Variants in ADPRHL1 observed in about 807,000 individuals in gnomAD.
ADPRHL1 encodes the protein inactive ADP-ribosyltransferase ARH2.
Under a neutral mutation model 44.1 loss-of-function variants are expected in ADPRHL1, and 43 were observed. The observed-to-expected ratio is 0.98, with a 90% CI of 0.76 to 1.26. ADPRHL1 has a LOEUF of 1.26. Among genes scored for constraint, ADPRHL1 ranks in the 50% most tolerant of loss-of-function variants. ADPRHL1 has a pLI of 0.00. For synonymous variants in ADPRHL1, 878 were observed against 1,017.4 expected (o/e 0.86, Z 2.61); for missense variants, 2,022 against 2,496.9 (o/e 0.81, Z 4.05).
chr13:113,428,773 C>G (rs949459201), intron 4 of ADPRHL1, among the ~76,000 whole-genome samples, 179 bp downstream of exon 4: 5 of 152,278 alleles, frequency 3.3e-5, no homozygotes, highest in Non-Finnish European at 5.9e-5. Flanking sequence ...CAGAGGCAGA[C>G]TGGTCAGGAG....
At position 113,406,088 on chromosome 13, in the gene ADPRHL1, G is replaced by A. The variant is rs890304338; in HGVS notation, c.3194C>T (p.Ala1065Val). 3.8e-5 allele frequency: 47 copies of A among 1,232,138 alleles called. No homozygotes were observed. In the African/African-American group the frequency reaches 5.9e-4, roughly 15 times the overall value. The allele number at this position is 1,232,138 out of a possible 1,614,324, so 76.3% of individuals were successfully genotyped here. Reference protein sequence around the residue: ...VTPMGMTVPGALEECRRPLLI... With the variant: ...VTPMGMTVPGVLEECRRPLLI... The stretch of plus-strand genomic sequence containing the variant: ...CAGCGGCCTTCTGCATTCCTCCAGC[G>A]CACCGGGCACTGTCATGCCCATCGG... The change falls in exon 8 of 8, where the codon GCG becomes GTG. Residue 1065 changes from alanine (A) to valine (V), a missense_variant. Coordinates refer to ENST00000612156, the MANE Select transcript of ADPRHL1 (RefSeq NM_001394807.1).
Position 113,425,080 on chromosome 13 carries a change from T to A in ADPRHL1, c.746A>T (p.Asp249Val). 6.2e-7 allele frequency: 1 copy of A among 1,613,642 alleles called. No homozygotes were observed. Among genetic ancestry groups the A allele is most frequent in the Non-Finnish European group, 8.5e-7 (1 of 1,179,946 alleles). ...KDSENKAIFP[D>V]NYDAEEREKT... is the part of the protein sequence containing the mutation. ...TTCCCTCTCTTCTGCATCATAATTG[T>A]CGGGGAAGATGGCTTTATTTTCTGA... Residue 249 changes from aspartate to valine, a missense_variant, in exon 5 of 8, where the codon GAC becomes GTC. Physicochemically the swap from Asp to Val is radical, Grantham distance 152. This residue lies in a region of ADPRHL1 where 437 missense variants were observed against 430.7 expected (regional missense o/e 1.01). Coordinates refer to ENST00000612156, the MANE Select transcript of ADPRHL1 (RefSeq NM_001394807.1).
chr13:113,445,866 T>C (rs567603321), intron 1 of ADPRHL1, among the ~76,000 whole-genome samples: 2 of 151,546 alleles, frequency 1.3e-5, no homozygotes, highest in South Asian at 4.2e-4. Context: ...AGGGCCCCCA[T>C]GGCTGCAAAC....
intron 7 of ADPRHL1, among the ~76,000 whole-genome samples, chr13:113,419,864 G>A (rs1460154653): frequency 6.6e-6 from 1 of 152,200 alleles, no homozygotes; most frequent in Non-Finnish European, 1.5e-5. Context: ...GTGTGGCATA[G>A]CACACACATG....
At chr13:113,439,443 TA>T (rs747882026) in intron 2 of ADPRHL1, among the ~76,000 whole-genome samples, 8 of 74,914 alleles carry the variant, frequency 1.1e-4, no homozygotes, top group African/African-American at 3.5e-4. Context: ...GTTTTCTTTG[TA>T]TTTTTTTTTT....
rs1456842680 is a variant in ADPRHL1, at chr13:113,405,488, G to A, written c.3794C>T (p.Ala1265Val). The change falls in exon 8 of 8, where the codon GCT becomes GTT. Residue 1265 changes from alanine (A) to valine (V), a missense_variant. Ala to Val is a moderately conservative substitution (Grantham distance 64). This residue lies in a region of ADPRHL1 where 1,221 missense variants were observed against 1,517.8 expected (regional missense o/e 0.80). Transcript: ENST00000612156. ...LGFSTESGIP[A>V]SDHPRPQARS... Reference sequence around the variant, plus strand: ...TGCCTGTGGCCTAGGATGATCAGAAGCAGGAATTCCAGACTCTGTGCTGAA... The same window carrying A: ...TGCCTGTGGCCTAGGATGATCAGAAACAGGAATTCCAGACTCTGTGCTGAA... 1.6e-6 allele frequency: 2 copies of A among 1,231,830 alleles called. No individual in the cohort carries two copies. The highest frequency in any genetic ancestry group is 1.6e-5 in the African/African-American group (1 of 64,444). The allele number at this position is 1,231,830 out of a possible 1,614,324, so 76.3% of individuals were successfully genotyped here. A position where few individuals can be genotyped will look rare whatever the true frequency, so the allele number is the denominator to read the frequency against.
chr13:113,442,017 T>G (rs1186755247), intron 2 of ADPRHL1, among the ~76,000 whole-genome samples: 1 of 152,276 alleles, frequency 6.6e-6, no homozygotes, highest in African/African-American at 2.4e-5. Context: ...TCTGTTTGCA[T>G]CCAGTGCGGT....
rs1230011274 is a variant in ADPRHL1 at position 113,409,439 on chromosome 13, G to A, written c.1062-1219C>T. The A allele has an allele frequency of 1.2e-5, 12 of 985,278 alleles. No homozygotes were observed. Among genetic ancestry groups the A allele is most frequent in the East Asian group, 1.1e-4 (1 of 8,824 alleles). 61.0% of individuals were successfully genotyped at this position (985,278 alleles called of 1,614,324 possible). On this transcript the variant is annotated intron_variant, in intron 7 of 7. Transcript: ENST00000612156. The surrounding 1 kb of genome is among the most constrained non-coding windows in gnomAD (Gnocchi z 4.2). ...CAGGAAAAGTCGCCTTCATGGTGCC[G>A]TTTATAATGTTGAAAAATCTAGAGC...
chr13:113,418,949 C>T (rs2043899649), intron 7 of ADPRHL1, among the ~76,000 whole-genome samples: 1 of 145,292 alleles, frequency 6.9e-6, no homozygotes, highest in Non-Finnish European at 1.5e-5. Context: ...CTTGCTGGGC[C>T]TAAGAGGTTG....
rs2043792004 is a variant in ADPRHL1 at position 113,404,512 on chromosome 13, C to T, written c.4770G>A (p.Gly1590=). 5 of 1,289,784 alleles carry T rather than the reference C, an allele frequency of 3.9e-6. No individual in the cohort carries two copies. The highest frequency in any genetic ancestry group is 4.9e-6 in the Non-Finnish European group (5 of 1,025,952). The allele number at this position is 1,289,784 out of a possible 1,614,324, so 79.9% of individuals were successfully genotyped here. A position where few individuals can be genotyped will look rare whatever the true frequency, so the allele number is the denominator to read the frequency against. The change falls in exon 8 of 8, where the codon GGG becomes GGA. Residue 1590 remains glycine, a synonymous_variant. Coordinates refer to ENST00000612156, the MANE Select transcript of ADPRHL1 (RefSeq NM_001394807.1). ...GTTTCTGGGCCTGTCCCTGAATCTG[C>T]CCCTGAGCCCATTTCTGGGCCTGTC... is the stretch of plus-strand genomic sequence containing the variant. The part of the protein sequence containing the change: ...VQGQAQKWAQ[G]QIQGQAQKQV...
intron 1 of ADPRHL1, among the ~76,000 whole-genome samples, chr13:113,450,717 G>A (rs993939493): frequency 2.0e-5 from 3 of 152,144 alleles, no homozygotes; most frequent in Non-Finnish European, 2.9e-5. Flanking sequence ...CTGCATATCA[G>A]GGACTATTAG....
intron 2 of ADPRHL1, among the ~76,000 whole-genome samples, chr13:113,442,811 G>A (rs2044108158): frequency 6.6e-6 from 1 of 152,140 alleles, no homozygotes; most frequent in South Asian, 2.1e-4. Context: ...CTGTGCTGAG[G>A]ACGCAGACAC....
chr13:113,436,357 C>T (rs1391105947), intron 2 of ADPRHL1, among the ~76,000 whole-genome samples: 2 of 122,540 alleles, frequency 1.6e-5, no homozygotes, highest in Non-Finnish European at 3.5e-5. Context: ...ACCCCGGGAC[C>T]CAGCACCCAG....
At position 113,422,991 on chromosome 13, in the gene ADPRHL1, A is replaced by G. The variant is rs763930374; in HGVS notation, c.908-12T>C. 43 of 1,612,480 alleles carry G rather than the reference A, an allele frequency of 2.7e-5. No homozygotes were observed. Among genetic ancestry groups the G allele is most frequent in the Non-Finnish European group, 3.5e-5 (41 of 1,179,868 alleles). On this transcript the variant is annotated splice_polypyrimidine_tract_variant and intron_variant, in intron 6 of 7. Transcript: ENST00000612156. ...GGCCGCGCTCTCCCCTGAAACGCAA[A>G]GGCAGCAGTTGCAGTGGGCTCCACC...
At chr13:113,412,668 G>A (rs1477289210) in intron 7 of ADPRHL1, among the ~76,000 whole-genome samples, 2 of 152,158 alleles carry the variant, frequency 1.3e-5, no homozygotes, top group Non-Finnish European at 2.9e-5. Flanking sequence ...GTGGCGAACA[G>A]CCCCCGTGGA....
intron 3 of ADPRHL1, among the ~76,000 whole-genome samples, chr13:113,431,190 T>C (rs1024945531): frequency 6.6e-6 from 1 of 152,208 alleles, no homozygotes; most frequent in African/African-American, 2.4e-5. Flanking sequence ...CACTTCTCTG[T>C]ACACCGGGGC....
At chr13:113,422,152 A>G (rs41286626) in intron 7 of ADPRHL1, 10,108 of 152,338 alleles carry the variant, frequency 0.066, 602 homozygotes, top group African/African-American at 0.16. Flanking sequence ...CCACTAAGGC[A>G]GACCACAGAG....
In ADPRHL1 at chr13:113,406,480, G is replaced by A. The variant is rs1451462575; in HGVS notation, c.2802C>T (p.Gly934=). 17 of 1,231,832 alleles carry A rather than the reference G, an allele frequency of 1.4e-5. No individual in the cohort carries two copies. In the East Asian group the frequency reaches 3.8e-4, roughly 27 times the overall value. The allele number at this position is 1,231,832 out of a possible 1,614,324, so 76.3% of individuals were successfully genotyped here. ...PRLAAARGAV[G]ADHSVPETLL... ...GTGTCTCTGGGACACTGTGGTCGGC[G>A]CCCACAGCCCCTCTTGCTGCTGCCA... Residue 934 remains glycine, a synonymous_variant, in exon 8 of 8, where the codon GGC becomes GGT. Coordinates refer to ENST00000612156, the MANE Select transcript of ADPRHL1 (RefSeq NM_001394807.1).
In ADPRHL1 at chr13:113,408,129, C is replaced by T. The variant is rs1023648930; in HGVS notation, c.1153G>A (p.Ala385Thr). The T allele has an allele frequency of 1.5e-5, 19 of 1,232,058 alleles. No homozygotes were observed. Among genetic ancestry groups the T allele is most frequent in the Middle Eastern group, 3.1e-4 (1 of 3,208 alleles). 76.3% of individuals were successfully genotyped at this position (1,232,058 alleles called of 1,614,324 possible). ...AGCAGGCTGCTGAGGATGGAGTGGGCGGCCGGGTCACAGGCCAGCTTGCCC... is the reference window on the plus strand; with the variant it reads ...AGCAGGCTGCTGAGGATGGAGTGGGTGGCCGGGTCACAGGCCAGCTTGCCC... Reference protein sequence around the residue: ...KMGKLACDPAAHSILSSLLLY... With the variant: ...KMGKLACDPATHSILSSLLLY... Residue 385 changes from alanine to threonine, a missense_variant, in exon 8 of 8, where the codon GCC becomes ACC. Around this residue, in one of 8 missense-constraint regions of ADPRHL1, gnomAD observed 1,221 missense variants for 1,517.8 expected, o/e 0.80. Transcript: ENST00000612156.
Sources: gnomAD v4.1 joint callset for allele counts (sites outside exome capture counted in the v4.1 genomes callset) on GRCh38, gnomAD v4.1.1 for gene constraint, gnomAD v4.1.1 regional missense constraint, Gnocchi (gnomAD v3.1) non-coding constraint, MANE v1.5 for transcripts, NCBI Gene and HGNC (gene_info 2026-07-23, HGNC 2026-07-21) for gene names.